SENP6: variants seen among roughly 807,000 people sequenced by gnomAD.
SENP6 encodes SUMO specific peptidase 6.
Under a neutral mutation model 134.5 loss-of-function variants are expected in SENP6, and 41 were observed. That is an observed-to-expected ratio of 0.30 (90% CI 0.24 to 0.40). The LOEUF is 0.40. Ranked by LOEUF, SENP6 falls within the 10% of genes least tolerant of loss-of-function variation. The probability of loss-of-function intolerance (pLI) is 1.00; values close to 1 mark genes in which losing one functional copy is unlikely to be tolerated. For missense variants in SENP6, 1,248 were observed against 1,312.5 expected (o/e 0.95, Z 0.76); for synonymous variants, 395 against 429.8 (o/e 0.92, Z 1.00).
At chr6:75,684,119 T>C (rs1035520295) in intron 16 of SENP6, among the ~76,000 whole-genome samples, 1 of 152,214 alleles carries the variant, frequency 6.6e-6, no homozygotes. Flanking sequence ...TCACATCCCT[T>C]GTAAGTTGGA....
rs1766680658 is a variant in SENP6, at chr6:75,602,305, C to A, written c.-220C>A. 1 of 461,208 alleles carries A rather than the reference C, an allele frequency of 2.2e-6. No individual in the cohort carries two copies. The allele number at this position is 461,208 out of a possible 1,614,324, so 28.6% of individuals were successfully genotyped here. ...CCGGAGAGGCCTGAGAAGCTCGGGC[C>A]GCGGGCCTCGCTGCCCGCCAGCCCG... is the stretch of plus-strand genomic sequence containing the variant. On this transcript the variant is annotated 5_prime_UTR_variant, in exon 1 of 24. Coordinates refer to ENST00000447266, the MANE Select transcript of SENP6 (RefSeq NM_015571.4).
At chr6:75,606,854 T>C (rs566660011) in intron 1 of SENP6, among the ~76,000 whole-genome samples, 79 of 152,286 alleles carry the variant, frequency 5.2e-4, no homozygotes, top group Non-Finnish European at 9.3e-4. Context: ...ACACTTAACC[T>C]GAAATCATGA....
chr6:75,648,280 T>C (rs1032440623), intron 7 of SENP6, among the ~76,000 whole-genome samples: 1 of 152,182 alleles, frequency 6.6e-6, no homozygotes, highest in Non-Finnish European at 1.5e-5. Flanking sequence ...TATTTTTCAA[T>C]ATACTGGTTA....
intron 3 of SENP6, among the ~76,000 whole-genome samples, chr6:75,630,041 A>C (rs1365969029): frequency 1.3e-5 from 2 of 151,594 alleles, no homozygotes; most frequent in Non-Finnish European, 2.9e-5. Flanking sequence ...ATAATGAATG[A>C]GGGCCACAAT....
Position 75,715,481 on chromosome 6 carries a change from C to G in SENP6, c.3226C>G (p.Leu1076Val). Residue 1076 changes from leucine to valine, a missense_variant, in exon 24 of 24, where the codon CTG becomes GTG. Leu to Val is a conservative substitution (Grantham distance 32). Around this residue, in one of 3 missense-constraint regions of SENP6, gnomAD observed 386 missense variants for 395.0 expected, o/e 0.98. Transcript: ENST00000447266. ...AAGAGAAGAAATCCGAAACATAATT[C>G]TGAAGCTACAGGAAGATCAGAGCAA... ...TKREEIRNII[L>V]KLQEDQSKEK... is the part of the protein sequence containing the mutation. 6.2e-7 allele frequency: 1 copy of G among 1,613,364 alleles called. No homozygotes were observed. The highest frequency in any genetic ancestry group is 8.5e-7 in the Non-Finnish European group (1 of 1,179,540).
At chr6:75,679,466 T>C (rs1773316551) in intron 16 of SENP6, 1 of 153,150 alleles carries the variant, frequency 6.5e-6, no homozygotes, top group African/African-American at 2.4e-5. Context: ...TATCAAGTAG[T>C]AGGAAAAATG....
chr6:75,706,647 T>C (rs1409741776), intron 19 of SENP6, among the ~76,000 whole-genome samples: 4 of 152,174 alleles, frequency 2.6e-5, no homozygotes, highest in African/African-American at 9.6e-5. Context: ...TACTCATTTT[T>C]GAATTATAGT....
At chr6:75,607,835 C>T (rs1402585189) in intron 1 of SENP6, among the ~76,000 whole-genome samples, 2 of 152,144 alleles carry the variant, frequency 1.3e-5, no homozygotes, top group Non-Finnish European at 2.9e-5. Context: ...TATATATAAA[C>T]TCATTGCAGA....
intron 20 of SENP6, among the ~76,000 whole-genome samples, chr6:75,711,109 A>T (rs1376490485): frequency 6.6e-6 from 1 of 152,230 alleles, no homozygotes; most frequent in Non-Finnish European, 1.5e-5. Flanking sequence ...ACAATTTGTT[A>T]TAAACCTCTG....
At chr6:75,704,516 A>G (rs771144907) in intron 19 of SENP6, among the ~76,000 whole-genome samples, 24 of 152,346 alleles carry the variant, frequency 1.6e-4, no homozygotes, top group Non-Finnish European at 2.6e-4. Flanking sequence ...TTTTTCTCCT[A>G]TCTCAGAATT....
intron 3 of SENP6, among the ~76,000 whole-genome samples, chr6:75,627,383 C>T (rs536941207): frequency 1.3e-5 from 2 of 152,228 alleles, no homozygotes; most frequent in East Asian, 3.9e-4. Flanking sequence ...TTTATTTTGA[C>T]ATCTGGATTT....
At chr6:75,619,407 C>T (rs767536857) in intron 1 of SENP6, among the ~76,000 whole-genome samples, 1 of 151,630 alleles carries the variant, frequency 6.6e-6, no homozygotes, top group South Asian at 2.1e-4. Context: ...GTATCCAATT[C>T]GTATCCCTTT....
In SENP6 at chr6:75,663,369, A is replaced by G; in HGVS notation, c.845A>G (p.Lys282Arg). 6.2e-7 allele frequency: 1 copy of G among 1,613,832 alleles called. No homozygotes were observed. Among genetic ancestry groups the G allele is most frequent in the Non-Finnish European group, 8.5e-7 (1 of 1,179,856 alleles). ...TKKFYGNNVEKVPIDIIVNCD... is the reference protein window; with the variant it reads ...TKKFYGNNVERVPIDIIVNCD... The stretch of plus-strand genomic sequence containing the variant: ...AAGTTTTATGGCAACAATGTGGAAA[A>G]GGTTCCAATTGATATTATTGTGAAT... The change falls in exon 9 of 24, where the codon AAG becomes AGG. Residue 282 changes from lysine (K) to arginine (R), a missense_variant. Physicochemically the swap from Lys to Arg is conservative, Grantham distance 26. Around this residue, in one of 3 missense-constraint regions of SENP6, gnomAD observed 733 missense variants for 725.4 expected, o/e 1.01. Transcript: ENST00000447266.
At chr6:75,679,591 C>T (rs1379189409) in intron 16 of SENP6, 2 of 152,184 alleles carry the variant, frequency 1.3e-5, no homozygotes, top group Admixed American at 1.3e-4. Context: ...GCTTCATTAT[C>T]TTTGGAGGTT....
chr6:75,700,015 A>G (rs953279908), intron 18 of SENP6, among the ~76,000 whole-genome samples: 4 of 152,008 alleles, frequency 2.6e-5, no homozygotes, highest in African/African-American at 7.3e-5. Flanking sequence ...GGCTTAAGCA[A>G]TCCTCCTGCC....
rs571801815 is a variant in SENP6 at position 75,638,812 on chromosome 6, C to T, written c.459-1872C>T. Among the ~76,000 whole-genome samples, 16 of 151,390 alleles carry T rather than the reference C, an allele frequency of 1.1e-4. 1 individual carries two copies. In the South Asian group the frequency reaches 3.1e-3, roughly 30 times the overall value. On this transcript the variant is annotated intron_variant, in intron 5 of 23. Coordinates refer to ENST00000447266, the MANE Select transcript of SENP6 (RefSeq NM_015571.4). Reference sequence around the variant, plus strand: ...TTGACTTAGACCTGTAATCCCAGCACTTTGGGAGGGCAAAATAGGAGGATA... The same window carrying T: ...TTGACTTAGACCTGTAATCCCAGCATTTTGGGAGGGCAAAATAGGAGGATA...
chr6:75,685,013 G>A (rs143894280), intron 16 of SENP6, among the ~76,000 whole-genome samples: 2,578 of 152,286 alleles, frequency 0.017, 74 homozygotes, highest in African/African-American at 0.059. Context: ...ATTAGGCTGT[G>A]AATCCATCTG....
intron 5 of SENP6, among the ~76,000 whole-genome samples, chr6:75,635,234 A>G (rs1165967922): frequency 9.9e-5 from 15 of 152,156 alleles, no homozygotes; most frequent in Non-Finnish European, 1.5e-5. Flanking sequence ...GTTGGAGAAA[A>G]TGTTATTTTG....
At position 75,643,937 on chromosome 6, in the gene SENP6, A is replaced by G. The variant is rs563727836; in HGVS notation, c.479+3233A>G. ...AAAGCAAGGCAAACAACAATAACAA[A>G]AAGAGAAATGGTGTCCAGATCCTGG... On this transcript the variant is annotated intron_variant, in intron 6 of 23. Coordinates refer to ENST00000447266, the MANE Select transcript of SENP6 (RefSeq NM_015571.4). 5.3e-5 allele frequency: 8 copies of G among 152,314 alleles called. No individual in the cohort carries two copies. The South Asian group carries it at 1.7e-3, about 32-fold the overall frequency. 9.4% of individuals were successfully genotyped at this position (152,314 alleles called of 1,614,324 possible).
Sources: allele counts gnomAD v4.1 joint callset (sites outside exome capture counted in the v4.1 genomes callset), GRCh38; gene constraint gnomAD v4.1.1; regional missense constraint gnomAD v4.1.1; transcripts MANE v1.5; gene names NCBI Gene and HGNC (gene_info 2026-07-23, HGNC 2026-07-21).